Variants in RAB38 observed in about 807,000 individuals in gnomAD.
RAB38 encodes RAB38, member RAS oncogene family, also known as ras-related protein Rab-38.
A neutral mutation model predicts 18.4 loss-of-function variants in RAB38; 15 were observed. That is an observed-to-expected ratio of 0.82 (90% CI 0.55 to 1.26). RAB38 has a LOEUF of 1.26. RAB38 is among the 50% of genes most tolerant of loss of function. The pLI is 0.00. For synonymous variants in RAB38, 101 were observed against 104.4 expected, an observed-to-expected ratio of 0.97 and a Z score of 0.20; for missense variants, 294 against 267.4, an observed-to-expected ratio of 1.10 and a Z score of -0.69.
the RAB38 span, among the ~76,000 whole-genome samples, chr11:87,955,321 C>T: frequency 6.6e-6 from 1 of 152,092 alleles, no homozygotes; most frequent in Non-Finnish European, 1.5e-5. Flanking sequence ...TTTCAGTTCC[C>T]ATTACAAAAT....
the RAB38 span, among the ~76,000 whole-genome samples, chr11:87,898,043 C>G: frequency 1.3e-5 from 2 of 151,646 alleles, no homozygotes; most frequent in African/African-American, 4.8e-5. Flanking sequence ...TTTAATGGAT[C>G]TATGCTATAT....
At chr11:88,062,594 T>G in the RAB38 span, among the ~76,000 whole-genome samples, 2 of 152,202 alleles carry the variant, frequency 1.3e-5, no homozygotes, top group South Asian at 2.1e-4. Context: ...GTAGCACTTG[T>G]TTTTTCCTAA....
At chr11:88,163,493 C>G (rs921726890) in intron 1 of RAB38, among the ~76,000 whole-genome samples, 2 of 152,016 alleles carry the variant, frequency 1.3e-5, no homozygotes, top group Non-Finnish European at 2.9e-5. Context: ...TTCCTTAGTT[C>G]CCCCATAAAC....
the RAB38 span, among the ~76,000 whole-genome samples, chr11:87,876,436 A>G: frequency 1.3e-5 from 2 of 151,482 alleles, no homozygotes; most frequent in Non-Finnish European, 3.0e-5. Context: ...CCCCCAATAA[A>G]TTTTTGTATA....
the RAB38 span, among the ~76,000 whole-genome samples, chr11:87,952,188 ACTCT>A: frequency 1.3e-5 from 2 of 151,596 alleles, no homozygotes; most frequent in Non-Finnish European, 2.9e-5. Flanking sequence ...GGTAGGGAAC[ACTCT>A]CATCTCTTAT....
chr11:88,105,796 C>T, the RAB38 span, among the ~76,000 whole-genome samples: 1 of 152,192 alleles, frequency 6.6e-6, no homozygotes, highest in East Asian at 1.9e-4. Flanking sequence ...CCCATTGTGG[C>T]CAGAAGAGCA....
chr11:87,920,308 T>C, the RAB38 span, among the ~76,000 whole-genome samples: 1 of 151,986 alleles, frequency 6.6e-6, no homozygotes, highest in Non-Finnish European at 1.5e-5. Flanking sequence ...GACTGTTATT[T>C]TTATGCATCC....
rs573450212 is a variant in RAB38 at position 88,121,719 on chromosome 11, C to T, written c.484-7579G>A. 1.1e-4 allele frequency among the ~76,000 whole-genome samples: 17 copies of T among 152,272 alleles called. No individual in the cohort carries two copies. In the South Asian group the frequency reaches 2.3e-3, roughly 20 times the overall value. ...CTGGGACTACAGGCGCCCGCCGCCA[C>T]GCCCAGCTAATTTTTTGTATTTTTA... is the stretch of plus-strand genomic sequence containing the variant. On this transcript the variant is annotated intron_variant, in intron 2 of 2. Coordinates refer to ENST00000243662, the MANE Select transcript of RAB38 (RefSeq NM_022337.3).
At chr11:88,036,076 T>C in the RAB38 span, among the ~76,000 whole-genome samples, 1 of 152,184 alleles carries the variant, frequency 6.6e-6, no homozygotes, top group East Asian at 1.9e-4. Context: ...TACTCCTTCA[T>C]AGCTAGAAGC....
At chr11:88,081,163 A>C in the RAB38 span, among the ~76,000 whole-genome samples, 1 of 151,972 alleles carries the variant, frequency 6.6e-6, no homozygotes. Context: ...AATGTGCAAA[A>C]CAATTGAAAC....
At chr11:87,873,931 T>TATATATATATATATATATATATAC in the RAB38 span, among the ~76,000 whole-genome samples, 1 of 141,282 alleles carries the variant, frequency 7.1e-6, no homozygotes, top group East Asian at 2.0e-4. Context: ...TGTATATATA[T>TATATATATATATATATATATATAC]ATATATATAT....
the RAB38 span, among the ~76,000 whole-genome samples, chr11:87,866,007 A>G: frequency 6.6e-6 from 1 of 151,746 alleles, no homozygotes; most frequent in East Asian, 1.9e-4. Flanking sequence ...GCAATAGAAA[A>G]TATTATCAAT....
At chr11:88,142,578 C>T (rs1942929369) in intron 2 of RAB38, among the ~76,000 whole-genome samples, 1 of 152,090 alleles carries the variant, frequency 6.6e-6, no homozygotes, top group African/African-American at 2.4e-5. Context: ...AATACTTAGC[C>T]AGAGCAAGAA....
the RAB38 span, among the ~76,000 whole-genome samples, chr11:87,949,437 G>C: frequency 1.8e-4 from 27 of 152,104 alleles, no homozygotes; most frequent in Admixed American, 7.9e-4. Flanking sequence ...GCTAGTTTTT[G>C]AATGTGTTTG....
chr11:87,913,376 T>G, the RAB38 span, among the ~76,000 whole-genome samples: 16 of 152,272 alleles, frequency 1.1e-4, no homozygotes, highest in African/African-American at 3.8e-4. Context: ...TCTGGTATTT[T>G]GAAGTTCTGT....
chr11:87,960,749 A>T, the RAB38 span, among the ~76,000 whole-genome samples: 1 of 152,180 alleles, frequency 6.6e-6, no homozygotes, highest in African/African-American at 2.4e-5. Context: ...AGGAGTGCCT[A>T]AAAGATATTC....
the RAB38 span, among the ~76,000 whole-genome samples, chr11:87,910,569 G>A: frequency 4.7e-5 from 7 of 149,664 alleles, no homozygotes; most frequent in East Asian, 3.9e-4. Context: ...CTATGTTTAC[G>A]TCTAGAAGTT....
the RAB38 span, among the ~76,000 whole-genome samples, chr11:87,853,735 T>C: frequency 1.3e-5 from 2 of 152,370 alleles, no homozygotes; most frequent in South Asian, 4.1e-4. Flanking sequence ...AATTCTGATG[T>C]ATTCATTTTC....
the RAB38 span, among the ~76,000 whole-genome samples, chr11:87,862,482 G>A: frequency 6.6e-6 from 1 of 151,828 alleles, no homozygotes; most frequent in African/African-American, 2.4e-5. Context: ...CACATAGAAA[G>A]GAACAACACA....
Sources: allele counts gnomAD v4.1 joint callset (sites outside exome capture counted in the v4.1 genomes callset), GRCh38; gene constraint gnomAD v4.1.1; transcripts MANE v1.5; gene names NCBI Gene and HGNC (gene_info 2026-07-23, HGNC 2026-07-21).